CLPB: variants seen among roughly 807,000 people sequenced by gnomAD.
The protein encoded by CLPB is mitochondrial disaggregase.
Under a neutral mutation model 78.4 loss-of-function variants are expected in CLPB, and 40 were observed. The observed-to-expected ratio is 0.51, with a 90% CI of 0.40 to 0.66. The LOEUF (loss-of-function observed/expected upper bound fraction) is 0.66. CLPB is among the 30% of genes least tolerant of loss of function. The pLI is 0.00. For missense variants in CLPB, 780 were observed against 886.9 expected, an observed-to-expected ratio of 0.88 and a Z score of 1.53; for synonymous variants, 333 against 348.0, an observed-to-expected ratio of 0.96 and a Z score of 0.48.
At chr11:72,433,356 G>A (rs767144897) in intron 1 of CLPB, among the ~76,000 whole-genome samples, 4 of 151,994 alleles carry the variant, frequency 2.6e-5, no homozygotes, top group East Asian at 1.9e-4. Flanking sequence ...TCAAGAGATC[G>A]AGACCATCCT....
At chr11:72,398,324 T>A (rs967918712) in intron 3 of CLPB, among the ~76,000 whole-genome samples, 7 of 152,206 alleles carry the variant, frequency 4.6e-5, no homozygotes, top group African/African-American at 1.7e-4. Flanking sequence ...TTTCAGCCTG[T>A]CATAGAACAC....
intron 6 of CLPB, among the ~76,000 whole-genome samples, chr11:72,324,976 G>C (rs569554650): frequency 6.6e-6 from 1 of 152,170 alleles, no homozygotes; most frequent in East Asian, 1.9e-4. Flanking sequence ...ATATAGGATA[G>C]GCCTATCTGC....
chr11:72,425,718 G>A (rs969194795), intron 2 of CLPB, among the ~76,000 whole-genome samples: 3 of 152,160 alleles, frequency 2.0e-5, no homozygotes, highest in Non-Finnish European at 2.9e-5. Context: ...CAGCAACACC[G>A]AACAGCAAGT....
At chr11:72,360,899 T>C (rs1950826812) in intron 4 of CLPB, among the ~76,000 whole-genome samples, 1 of 152,216 alleles carries the variant, frequency 6.6e-6, no homozygotes, top group Non-Finnish European at 1.5e-5. Flanking sequence ...TAATAAGTGA[T>C]TGTCCCCACT....
chr11:72,409,170 T>C (rs193059717), intron 2 of CLPB, among the ~76,000 whole-genome samples: 14 of 152,202 alleles, frequency 9.2e-5, no homozygotes, highest in African/African-American at 3.4e-4. Context: ...CTGGGCTCAC[T>C]CCAGACTTGT....
chr11:72,307,195 T>C lies in CLPB; in HGVS notation c.1122+4A>G. On this transcript the variant is annotated splice_donor_region_variant and intron_variant, in intron 9 of 15. Coordinates refer to ENST00000538039, the MANE Select transcript of CLPB (RefSeq NM_001258392.3). Reference sequence around the variant, plus strand: ...GCAGATCAGACCTAGGTCCCAGTTCTTACCTTTTTAGCATCTTTGTGCATA... The same window carrying C: ...GCAGATCAGACCTAGGTCCCAGTTCCTACCTTTTTAGCATCTTTGTGCATA... 6.2e-7 allele frequency: 1 copy of C among 1,614,022 alleles called. No homozygotes were observed. Among genetic ancestry groups the C allele is most frequent in the Non-Finnish European group, 8.5e-7 (1 of 1,179,872 alleles).
At chr11:72,430,122 C>T (rs897955681) in intron 2 of CLPB, among the ~76,000 whole-genome samples, 190 bp downstream of exon 2, 2 of 152,196 alleles carry the variant, frequency 1.3e-5, no homozygotes, top group Non-Finnish European at 2.9e-5. Flanking sequence ...AGCTGACTCC[C>T]TACCGAAAAT....
intron 13 of CLPB, 31 bp from the exon 14 acceptor site, chr11:72,294,475 T>C: frequency 1.9e-6 from 3 of 1,613,632 alleles, no homozygotes; most frequent in Non-Finnish European, 2.5e-6. Flanking sequence ...TGGGATGAGC[T>C]CAGTGACCCA....
intron 4 of CLPB, among the ~76,000 whole-genome samples, chr11:72,364,344 AT>A (rs1471802059): frequency 6.6e-6 from 1 of 152,058 alleles, no homozygotes; most frequent in South Asian, 2.1e-4. Context: ...AGTAGCTGGG[AT>A]TACATGCACG....
chr11:72,298,765 TG>T (rs1379509962), intron 11 of CLPB, among the ~76,000 whole-genome samples: 4 of 152,380 alleles, frequency 2.6e-5, no homozygotes, highest in Admixed American at 2.0e-4. Context: ...TCCAAAGTGC[TG>T]GGATTACAGG....
At chr11:72,415,831 G>C (rs1240454774) in intron 2 of CLPB, among the ~76,000 whole-genome samples, 1 of 152,214 alleles carries the variant, frequency 6.6e-6, no homozygotes, top group Non-Finnish European at 1.5e-5. Flanking sequence ...TAACAAAGGG[G>C]ATGGTTGCCC....
rs779010438 is a variant in CLPB, at chr11:72,317,175, A to C, written c.919T>G (p.Phe307Val). ...RKREAEERRR[F>V]PLEQRLKEHI... ...TCCTTTAGTCGCTGCTCCAGGGGGA[A>C]GCGGCGCCGCTCCTCAGCCTCACGC... Residue 307 changes from phenylalanine (F) to valine (V), a missense_variant, in exon 7 of 16, where the codon TTC (phenylalanine) becomes GTC (valine). Around this residue, in one of 3 missense-constraint regions of CLPB, gnomAD observed 417 missense variants for 414.7 expected, o/e 1.01. Transcript: ENST00000538039. 6.2e-7 allele frequency: 1 copy of C among 1,612,328 alleles called. No individual in the cohort carries two copies. The highest frequency in any genetic ancestry group is 1.7e-5 in the Admixed American group (1 of 59,852).
rs773799655 is a variant in CLPB, at chr11:72,434,083, G to A, written c.392C>T (p.Pro131Leu). ...ALVVHCYSKS[P>L]SNKDAALLEA... is the part of the protein sequence containing the mutation. The stretch of plus-strand genomic sequence containing the variant: ...GATCTCATAATCACCCTTGTTGGAC[G>A]GACTCTTGCTGTAGCAATGAACCAC... The change falls in exon 1 of 16, where the codon CCG (proline) becomes CTG (leucine). Residue 131 changes from proline (P) to leucine (L), a missense_variant. Pro to Leu is a moderately conservative substitution (Grantham distance 98, BLOSUM62 -3). Transcript: ENST00000538039. The A allele has an allele frequency of 2.5e-6, 4 of 1,610,550 alleles. No homozygotes were observed. Among genetic ancestry groups the A allele is most frequent in the Non-Finnish European group, 2.5e-6 (3 of 1,179,936 alleles).
intron 11 of CLPB, among the ~76,000 whole-genome samples, chr11:72,297,783 C>T (rs567559393): frequency 6.6e-6 from 1 of 151,852 alleles, no homozygotes; most frequent in African/African-American, 2.4e-5. Context: ...ACTGGGTTCA[C>T]ACACTGCTAT....
At chr11:72,376,578 A>T (rs1341403496) in intron 4 of CLPB, among the ~76,000 whole-genome samples, 1 of 150,776 alleles carries the variant, frequency 6.6e-6, no homozygotes, top group African/African-American at 2.4e-5. Context: ...AAAAAAAAAA[A>T]GGTAGAGAGA....
In CLPB at chr11:72,412,990, C is replaced by T. The variant is rs114449498; in HGVS notation, c.456-9938G>A. On this transcript the variant is annotated intron_variant, in intron 2 of 15. Coordinates refer to ENST00000538039, the MANE Select transcript of CLPB (RefSeq NM_001258392.3). Reference sequence around the variant, plus strand: ...AAAATCACACACACACACACACACCCCTTCAAACAGCCTTCATGCCAGGTG... The same window carrying T: ...AAAATCACACACACACACACACACCTCTTCAAACAGCCTTCATGCCAGGTG... 4.7e-3 allele frequency among the ~76,000 whole-genome samples: 711 copies of T among 152,212 alleles called. 5 individuals carry two copies. The highest frequency in any genetic ancestry group is 0.017 in the African/African-American group (692 of 41,538).
At position 72,416,648 on chromosome 11, in the gene CLPB, A is replaced by G. The variant is rs938945498; in HGVS notation, c.456-13596T>C. The stretch of plus-strand genomic sequence containing the variant: ...CTACTTGGGAGGCTGAGGCAGAAGA[A>G]TCGCTTGAACCCGGGAGGCAGAGGT... On this transcript the variant is annotated intron_variant, in intron 2 of 15. Transcript: ENST00000538039. 2.0e-5 allele frequency among the ~76,000 whole-genome samples: 3 copies of G among 151,070 alleles called. No individual in the cohort carries two copies. The Admixed American group carries it at 2.0e-4, about 10-fold the overall frequency.
In CLPB at chr11:72,288,793, G is replaced by A. The variant is rs2135477459; in HGVS notation, c.*4574C>T. ...AGTGATGAAGACACAGAACAAGTAG[G>A]ACAAGTGAGCTGAGCCTGGGATGCT... On this transcript the variant is annotated 3_prime_UTR_variant, in exon 16 of 16. Coordinates refer to ENST00000538039, the MANE Select transcript of CLPB (RefSeq NM_001258392.3). 6.6e-6 allele frequency: 1 copy of A among 152,390 alleles called. No homozygotes were observed. Among genetic ancestry groups the A allele is most frequent in the African/African-American group, 2.4e-5 (1 of 41,574 alleles). 9.4% of individuals were successfully genotyped at this position (152,390 alleles called of 1,614,324 possible).
chr11:72,402,144 T>C (rs1180713541), intron 3 of CLPB, among the ~76,000 whole-genome samples: 1 of 151,568 alleles, frequency 6.6e-6, no homozygotes, highest in African/African-American at 2.4e-5. Flanking sequence ...CCTGTAGTCC[T>C]AGCTACTCAG....
Sources: gnomAD v4.1 joint callset for allele counts (sites outside exome capture counted in the v4.1 genomes callset) on GRCh38, gnomAD v4.1.1 for gene constraint, gnomAD v4.1.1 regional missense constraint, MANE v1.5 for transcripts, NCBI Gene and HGNC (gene_info 2026-07-23, HGNC 2026-07-21) for gene names.